The following DOCK9 variants were observed in gnomAD, a reference collection of about 807,000 sequenced individuals.
The protein encoded by DOCK9 is dedicator of cytokinesis protein 9.
DOCK9 carries 89 observed loss-of-function variants against 263.3 expected under a neutral mutation model. The observed-to-expected ratio is 0.34, with a 90% confidence interval of 0.28 to 0.40. DOCK9 has a LOEUF of 0.40. Among genes scored for constraint, DOCK9 ranks in the 10% least tolerant of loss-of-function variants. The probability of loss-of-function intolerance (pLI) is 1.00; values close to 1 mark genes in which losing one functional copy is unlikely to be tolerated. For missense variants in DOCK9, 2,140 were observed against 2,603.4 expected (o/e 0.82, Z 3.87); for synonymous variants, 976 against 973.1 (o/e 1.00, Z -0.06).
chr13:99,033,728 G>C (rs557662527), intron 1 of DOCK9, among the ~76,000 whole-genome samples: 21 of 152,346 alleles, frequency 1.4e-4, no homozygotes, highest in African/African-American at 4.8e-4. Flanking sequence ...CAAAGTCACA[G>C]AGAACTAAAG....
At chr13:98,847,804 C>T (rs1418157280) in intron 37 of DOCK9, 1 of 152,034 alleles carries the variant, frequency 6.6e-6, no homozygotes. Context: ...ATACTTAGAC[C>T]AAGACCCCAC....
Position 98,829,654 on chromosome 13 carries a change from G to C in DOCK9, c.4738C>G (p.Arg1580Gly). 5 of 1,604,222 alleles carry C rather than the reference G, an allele frequency of 3.1e-6. No individual in the cohort carries two copies. Among genetic ancestry groups the C allele is most frequent in the Non-Finnish European group, 4.3e-6 (5 of 1,175,064 alleles). The change falls in exon 42 of 53, where the codon CGG becomes GGG. Residue 1580 changes from arginine (R) to glycine (G), a missense_variant. Physicochemically the swap from Arg to Gly is moderately radical, Grantham distance 125. Transcript: ENST00000682017. This position sits in a 1 kb window ranked among gnomAD's most constrained non-coding sequence, Gnocchi z 4.1. ...SIINNCANSD[R>G]LIKHTSFSSD... ...GCCAGGCTACCCACCTTAATAAGCC[G>C]GTCACTGTTGGCACAGTTGTTGATG...
intron 1 of DOCK9, among the ~76,000 whole-genome samples, chr13:98,971,902 A>AC (rs2059772235): frequency 6.6e-6 from 1 of 152,204 alleles, no homozygotes; most frequent in African/African-American, 2.4e-5. Flanking sequence ...ATGCTATTCA[A>AC]CCACTGTTGG....
At position 98,977,839 on chromosome 13, in the gene DOCK9, TGCAGGGGGG is replaced by T; in HGVS notation, c.62_70del (p.Ser21_Gln24delinsTer). 6.2e-7 allele frequency: 1 copy of T among 1,609,160 alleles called. No individual in the cohort carries two copies. Among genetic ancestry groups the T allele is most frequent in the Non-Finnish European group, 8.5e-7 (1 of 1,177,590 alleles). On this transcript the variant is annotated stop_gained and inframe_deletion, in exon 1 of 53. Coordinates refer to ENST00000682017, the MANE Select transcript of DOCK9 (RefSeq NM_001366683.2). LOFTEE classifies it high-confidence loss of function. ...TTCGCCCTGAGCTGCATCCTTGTAT[TGCAGGGGGG>T]ACTCAATCACCAGTTCCTTTTTGAC... is the stretch of plus-strand genomic sequence containing the variant.
intron 35 of DOCK9, among the ~76,000 whole-genome samples, chr13:98,852,117 T>G (rs1186433022): frequency 1.2e-4 from 19 of 152,226 alleles, no homozygotes; most frequent in Non-Finnish European, 2.1e-4. Flanking sequence ...TAAAATATTT[T>G]TAAAGAAAAC....
At chr13:99,024,782 G>A (rs1021078853) in intron 1 of DOCK9, among the ~76,000 whole-genome samples, 5 of 152,088 alleles carry the variant, frequency 3.3e-5, no homozygotes, top group African/African-American at 1.2e-4. Context: ...TACTAATGTG[G>A]TTACCTCTCT....
upstream of DOCK9, among the ~76,000 whole-genome samples, chr13:98,981,439 C>CAGGA (rs1877181373): frequency 6.6e-6 from 1 of 152,130 alleles, no homozygotes; most frequent in Non-Finnish European, 1.5e-5. Context: ...ACAAGGCTGG[C>CAGGA]AATGTGTTTG....
At chr13:99,049,767 C>T (rs1188437977) in intron 1 of DOCK9, among the ~76,000 whole-genome samples, 2 of 152,334 alleles carry the variant, frequency 1.3e-5, no homozygotes, top group East Asian at 1.9e-4. Context: ...ATACTCCCAC[C>T]TCAGTCTCCT....
chr13:98,997,430 G>A (rs1267404130), intron 1 of DOCK9, among the ~76,000 whole-genome samples: 1 of 152,210 alleles, frequency 6.6e-6, no homozygotes, highest in African/African-American at 2.4e-5. Flanking sequence ...GCACCTCAGA[G>A]TTGCTTTGCC....
intron 52 of DOCK9, chr13:98,796,210 C>A: frequency 6.3e-7 from 1 of 1,587,004 alleles, no homozygotes; most frequent in East Asian, 2.3e-5. Flanking sequence ...CATTACCATC[C>A]CAGCTGAACG....
chr13:98,920,940 C>T lies in DOCK9; in HGVS notation c.717+14G>A, dbSNP rs2051877456. On this transcript the variant is annotated intron_variant, in intron 7 of 52. Coordinates refer to ENST00000682017, the MANE Select transcript of DOCK9 (RefSeq NM_001366683.2). ...GATAAGAAAACATAATGGTAAAACTCTTTTCATATTTACCTGAACGACACC... is the reference window on the plus strand; with the variant it reads ...GATAAGAAAACATAATGGTAAAACTTTTTTCATATTTACCTGAACGACACC... 1 of 1,584,566 alleles carries T rather than the reference C, an allele frequency of 6.3e-7. No individual in the cohort carries two copies. Among genetic ancestry groups the T allele is most frequent in the Non-Finnish European group, 8.6e-7 (1 of 1,166,736 alleles).
intron 5 of DOCK9, among the ~76,000 whole-genome samples, chr13:98,922,799 A>C (rs563132193): frequency 3.7e-4 from 56 of 152,348 alleles, no homozygotes; most frequent in African/African-American, 1.3e-3. Context: ...TCTTCTTGTG[A>C]GGTTTCCCTC....
intron 1 of DOCK9, among the ~76,000 whole-genome samples, chr13:98,956,434 A>G (rs907907448): frequency 6.6e-6 from 1 of 152,220 alleles, no homozygotes; most frequent in Non-Finnish European, 1.5e-5. Context: ...AAATAGGCAT[A>G]TAGAAGATGT....
At chr13:98,893,402 T>C (rs1406628191) in intron 15 of DOCK9, among the ~76,000 whole-genome samples, 1 of 152,228 alleles carries the variant, frequency 6.6e-6, no homozygotes, top group Non-Finnish European at 1.5e-5. Context: ...TTGGAAAAGA[T>C]GAGATACCAT....
At chr13:98,868,463 T>TA (rs1330487706) in intron 27 of DOCK9, 86 bp from the exon 28 acceptor site, 10 of 1,429,494 alleles carry the variant, frequency 7.0e-6, no homozygotes, top group Non-Finnish European at 9.4e-6. Context: ...GAGTCCATCT[T>TA]AAAAAACCCA....
intron 38 of DOCK9, among the ~76,000 whole-genome samples, chr13:98,842,861 G>A (rs952252564): frequency 2.0e-5 from 3 of 152,206 alleles, no homozygotes; most frequent in Non-Finnish European, 2.9e-5. Context: ...TCTTTTAAGG[G>A]TGTTTTTCAA....
chr13:98,888,139 A>ACG lies in DOCK9; in HGVS notation c.2043+18_2043+19insCG. 6.5e-7 allele frequency: 1 copy of ACG among 1,534,950 alleles called. No individual in the cohort carries two copies. The highest frequency in any genetic ancestry group is 2.3e-5 in the East Asian group (1 of 44,032). On this transcript the variant is annotated intron_variant, in intron 18 of 52. Coordinates refer to ENST00000682017, the MANE Select transcript of DOCK9 (RefSeq NM_001366683.2). ...AAAATCAGAATTCGTAGGTGAACATATATTAAAAAAAAACAAACCTTAAGG... is the reference window on the plus strand; with the variant it reads ...AAAATCAGAATTCGTAGGTGAACATACGTATTAAAAAAAAACAAACCTTAAGG...
At chr13:98,851,107 A>G (rs1030968085) in intron 35 of DOCK9, among the ~76,000 whole-genome samples, 1 of 152,212 alleles carries the variant, frequency 6.6e-6, no homozygotes, top group Non-Finnish European at 1.5e-5. Context: ...GCACTGTACT[A>G]CGTGCTCTCA....
chr13:98,902,847 G>A (rs751011113), intron 11 of DOCK9, 125 bp downstream of exon 11: 104 of 980,640 alleles, frequency 1.1e-4, no homozygotes, highest in Admixed American at 6.3e-5. Context: ...TCCATATCCT[G>A]ATCCAAACAC....
Sources: gnomAD v4.1 joint callset for allele counts (sites outside exome capture counted in the v4.1 genomes callset) on GRCh38, gnomAD v4.1.1 for gene constraint, Gnocchi (gnomAD v3.1) non-coding constraint, MANE v1.5 for transcripts, NCBI Gene and HGNC (gene_info 2026-07-23, HGNC 2026-07-21) for gene names.